CPPED1: variants seen among roughly 807,000 people sequenced by gnomAD.
CPPED1 encodes the protein serine/threonine-protein phosphatase CPPED1.
CPPED1 carries 28 observed loss-of-function variants against 28.0 expected under a neutral mutation model. The ratio of observed to expected loss-of-function variants is 1.00; its 90% confidence interval spans 0.74 to 1.37. CPPED1 has a LOEUF of 1.37. Among genes scored for constraint, CPPED1 ranks in the 40% most tolerant of loss-of-function variants. CPPED1 has a pLI of 0.00. For missense variants in CPPED1, 504 were observed against 416.5 expected (o/e 1.21, Z -1.83); for synonymous variants, 198 against 180.2 (o/e 1.10, Z -0.79).
intron 2 of CPPED1, among the ~76,000 whole-genome samples, chr16:12,738,124 G>C (rs897943628): frequency 2.6e-5 from 4 of 152,150 alleles, no homozygotes; most frequent in African/African-American, 9.7e-5. Context: ...ATCCGAATGT[G>C]CATCACGAGA....
At chr16:12,671,573 G>A (rs762913425) in intron 3 of CPPED1, among the ~76,000 whole-genome samples, 22 of 152,192 alleles carry the variant, frequency 1.4e-4, no homozygotes, top group African/African-American at 2.4e-5. Flanking sequence ...CTGTGGGCAG[G>A]TGTGGATCAG....
At chr16:12,800,204 T>A (rs1360731943) in intron 1 of CPPED1, among the ~76,000 whole-genome samples, 1 of 152,068 alleles carries the variant, frequency 6.6e-6, no homozygotes, top group Non-Finnish European at 1.5e-5. Context: ...TCCCAGCACT[T>A]TGGGAGGCCG....
chr16:12,665,841 C>T (rs556055193), intron 3 of CPPED1, among the ~76,000 whole-genome samples: 4 of 152,274 alleles, frequency 2.6e-5, no homozygotes, highest in East Asian at 1.9e-4. Flanking sequence ...AGGAGAATCA[C>T]GTGAACTCGG....
At chr16:12,680,137 T>C (rs2079897461) in intron 3 of CPPED1, among the ~76,000 whole-genome samples, 1 of 152,172 alleles carries the variant, frequency 6.6e-6, no homozygotes, top group Admixed American at 6.5e-5. Context: ...TAGAAGGTAA[T>C]GTCTGCTTCC....
intron 2 of CPPED1, among the ~76,000 whole-genome samples, chr16:12,724,335 T>G (rs549561280): frequency 4.6e-5 from 7 of 152,248 alleles, no homozygotes; most frequent in Admixed American, 2.0e-4. Context: ...CCCATCCCTC[T>G]TGCCTTGCAG....
intron 3 of CPPED1, among the ~76,000 whole-genome samples, chr16:12,680,745 GT>G (rs1338383730): frequency 1.3e-5 from 2 of 152,184 alleles, no homozygotes; most frequent in Non-Finnish European, 2.9e-5. Context: ...GAGACCTGGG[GT>G]GGGCTGTAGG....
intron 2 of CPPED1, among the ~76,000 whole-genome samples, chr16:12,717,500 G>A (rs942972439): frequency 2.6e-5 from 4 of 152,084 alleles, no homozygotes; most frequent in Non-Finnish European, 4.4e-5. Context: ...TCCTGACCTC[G>A]TGACCTGCCT....
intron 3 of CPPED1, among the ~76,000 whole-genome samples, chr16:12,697,659 T>C (rs535474718): frequency 1.2e-4 from 19 of 152,290 alleles, no homozygotes; most frequent in East Asian, 1.2e-3. Flanking sequence ...TAAAGTTTTA[T>C]TGGAACACTG....
At chr16:12,786,487 C>G (rs1448041794) in intron 1 of CPPED1, among the ~76,000 whole-genome samples, 3 of 152,172 alleles carry the variant, frequency 2.0e-5, no homozygotes, top group Non-Finnish European at 2.9e-5. Flanking sequence ...GCATACTTCT[C>G]TGGTCATTGT....
chr16:12,670,946 G>T lies in CPPED1; in HGVS notation c.716-5831C>A, dbSNP rs1233848225. On this transcript the variant is annotated intron_variant, in intron 3 of 3. Coordinates refer to ENST00000381774, the MANE Select transcript of CPPED1 (RefSeq NM_018340.3). The surrounding 1 kb of genome is among the most constrained non-coding windows in gnomAD (Gnocchi z 4.2). ...GCTCACTGCAAACTCCGCCTCCCGGGTTCAAGTGATTCTCCTGCCTCAGCC... is the reference window on the plus strand; with the variant it reads ...GCTCACTGCAAACTCCGCCTCCCGGTTTCAAGTGATTCTCCTGCCTCAGCC... Among the ~76,000 whole-genome samples the T allele has an allele frequency of 6.6e-6, 1 of 152,118 alleles. No homozygotes were observed. The highest frequency in any genetic ancestry group is 1.5e-5 in the Non-Finnish European group (1 of 68,038).
At chr16:12,762,960 G>A (rs1479957549) in intron 2 of CPPED1, among the ~76,000 whole-genome samples, 2 of 152,074 alleles carry the variant, frequency 1.3e-5, no homozygotes, top group African/African-American at 4.8e-5. Flanking sequence ...CGGGCACGGT[G>A]GCTCACGCCT....
At chr16:12,705,107 T>C in intron 2 of CPPED1, 58 bp from the exon 3 acceptor site, 1 of 1,479,004 alleles carries the variant, frequency 6.8e-7, no homozygotes, top group Non-Finnish European at 9.1e-7. Context: ...TTGAAATAAC[T>C]AACTTAAGTA....
chr16:12,712,218 CA>C (rs1392266516), intron 2 of CPPED1, among the ~76,000 whole-genome samples: 1 of 152,156 alleles, frequency 6.6e-6, no homozygotes, highest in Non-Finnish European at 1.5e-5. Context: ...CAAGAATTTC[CA>C]GAGACAGCCC....
chr16:12,689,983 C>T (rs1000637761), intron 3 of CPPED1, among the ~76,000 whole-genome samples: 36 of 152,224 alleles, frequency 2.4e-4, no homozygotes, highest in African/African-American at 8.7e-4. Flanking sequence ...TTTTATCAAA[C>T]ACAAGTTGAA....
intron 1 of CPPED1, among the ~76,000 whole-genome samples, chr16:12,798,092 A>G (rs1250706458): frequency 6.6e-6 from 1 of 152,118 alleles, no homozygotes; most frequent in Non-Finnish European, 1.5e-5. Context: ...AAAAGAAATA[A>G]AATACAATAA....
chr16:12,702,551 A>G (rs927867691), intron 3 of CPPED1, among the ~76,000 whole-genome samples: 1 of 151,676 alleles, frequency 6.6e-6, no homozygotes, highest in African/African-American at 2.4e-5. Flanking sequence ...CAATCAATCA[A>G]TCAATAGAAA....
At chr16:12,710,613 A>G (rs1172041374) in intron 2 of CPPED1, among the ~76,000 whole-genome samples, 1 of 152,206 alleles carries the variant, frequency 6.6e-6, no homozygotes, top group Non-Finnish European at 1.5e-5. Flanking sequence ...TGAATATCAG[A>G]GTATATGGAG....
chr16:12,749,779 G>T (rs552340100), intron 2 of CPPED1, among the ~76,000 whole-genome samples: 1 of 152,130 alleles, frequency 6.6e-6, no homozygotes, highest in South Asian at 2.1e-4. Context: ...GTAGAGACGG[G>T]GGATTTCATC....
intron 2 of CPPED1, among the ~76,000 whole-genome samples, chr16:12,729,683 T>C (rs1401484427): frequency 6.6e-6 from 1 of 152,130 alleles, no homozygotes; most frequent in Admixed American, 6.6e-5. Flanking sequence ...TAAAAAGCCA[T>C]CTTAAAGTCA....
Sources: allele counts gnomAD v4.1 joint callset (sites outside exome capture counted in the v4.1 genomes callset), GRCh38; gene constraint gnomAD v4.1.1; non-coding constraint Gnocchi (gnomAD v3.1); transcripts MANE v1.5; gene names NCBI Gene and HGNC (gene_info 2026-07-23, HGNC 2026-07-21).